Variants in NALCN observed in about 807,000 individuals in gnomAD.
The protein encoded by NALCN is sodium leak channel NALCN.
In NALCN, 111 loss-of-function variants were observed where a neutral mutation model predicts 225.3. The observed-to-expected ratio is 0.49, with a 90% confidence interval of 0.42 to 0.58. NALCN has a LOEUF of 0.58. Ranked by LOEUF, NALCN falls within the 20% of genes least tolerant of loss-of-function variation. The pLI is 0.00. For synonymous variants in NALCN, 764 were observed against 769.0 expected (o/e 0.99, Z 0.11); for missense variants, 1,378 against 2,202.4 (o/e 0.63, Z 7.49).
intron 18 of NALCN, chr13:101,116,719 C>T (rs2035735828): frequency 2.7e-6 from 1 of 368,086 alleles, no homozygotes; most frequent in Non-Finnish European, 5.3e-6. Context: ...TATAACTTTG[C>T]AGAGCATTAC....
chr13:101,081,690 G>C (rs774876861), intron 33 of NALCN, 44 bp from the exon 34 acceptor site: 5 of 1,601,108 alleles, frequency 3.1e-6, no homozygotes, highest in Non-Finnish European at 4.3e-6. Flanking sequence ...AGAGTGTTTA[G>C]TACATATTTA....
chr13:101,357,917 C>A (rs2046111555), intron 6 of NALCN, among the ~76,000 whole-genome samples: 1 of 152,088 alleles, frequency 6.6e-6, no homozygotes, highest in African/African-American at 2.4e-5. Flanking sequence ...ACAAACCTGA[C>A]AAAAACAAGC....
intron 9 of NALCN, among the ~76,000 whole-genome samples, chr13:101,286,255 CCT>C (rs1348071758): frequency 2.0e-5 from 3 of 152,122 alleles, no homozygotes; most frequent in African/African-American, 7.2e-5. Flanking sequence ...ATCTCTTTTC[CCT>C]GTTTTACAAA....
At chr13:101,171,338 T>C (rs533158782) in intron 15 of NALCN, among the ~76,000 whole-genome samples, 5 of 148,982 alleles carry the variant, frequency 3.4e-5, no homozygotes, top group African/African-American at 9.8e-5. Context: ...ATTACATATA[T>C]GTAATACAAA....
At chr13:101,216,951 T>C (rs1242401736) in intron 13 of NALCN, among the ~76,000 whole-genome samples, 1 of 152,150 alleles carries the variant, frequency 6.6e-6, no homozygotes, top group Non-Finnish European at 1.5e-5. Context: ...TTTAAGTACT[T>C]TGTGTTATAG....
intron 11 of NALCN, among the ~76,000 whole-genome samples, chr13:101,257,921 A>G (rs773499829): frequency 4.6e-5 from 7 of 152,200 alleles, no homozygotes; most frequent in Non-Finnish European, 8.8e-5. Context: ...TATGATATGT[A>G]GAGTGCTAGG....
In NALCN at chr13:101,258,478, A is replaced by C. The variant is rs200016490; in HGVS notation, c.1231T>G (p.Phe411Val). 1 of 1,614,148 alleles carries C rather than the reference A, an allele frequency of 6.2e-7. No homozygotes were observed. Among genetic ancestry groups the C allele is most frequent in the South Asian group, 1.1e-5 (1 of 91,072 alleles). ...AASNYYKGEN[F>V]RRQYDEFYLA... ...TAGAACTCGTCGTACTGCCTCCTGAAGTTTTCTCCTTTGTAGTAGTTGCTA... is the reference window on the plus strand; with the variant it reads ...TAGAACTCGTCGTACTGCCTCCTGACGTTTTCTCCTTTGTAGTAGTTGCTA... The change falls in exon 11 of 44, where the codon TTC becomes GTC. Residue 411 changes from phenylalanine to valine, a missense_variant. By Grantham distance (50) the Phe-to-Val change is conservative. Transcript: ENST00000251127.
At chr13:101,080,814 C>T (rs1036827) in intron 34 of NALCN, among the ~76,000 whole-genome samples, 110,444 of 149,948 alleles carry the variant, frequency 0.74, 41,262 homozygotes, top group African/African-American at 0.83. Flanking sequence ...TTTTCTAAAC[C>T]ACTACTTTTT....
At chr13:101,299,866 G>A (rs1013296703) in intron 7 of NALCN, among the ~76,000 whole-genome samples, 3 of 152,110 alleles carry the variant, frequency 2.0e-5, no homozygotes, top group Admixed American at 2.0e-4. Context: ...GGTCAGTAGT[G>A]AGATTGACTG....
At chr13:101,242,514 CT>C (rs1463086299) in intron 11 of NALCN, among the ~76,000 whole-genome samples, 1 of 105,508 alleles carries the variant, frequency 9.5e-6, no homozygotes, top group Non-Finnish European at 2.1e-5. Flanking sequence ...TCCCACTCTC[CT>C]TTGATATCAC....
At chr13:101,287,601 C>G (rs1411358668) in intron 9 of NALCN, among the ~76,000 whole-genome samples, 4 of 152,086 alleles carry the variant, frequency 2.6e-5, no homozygotes, top group Non-Finnish European at 5.9e-5. Context: ...GTGCAGATCT[C>G]AATATATGGG....
intron 17 of NALCN, among the ~76,000 whole-genome samples, chr13:101,135,011 G>A (rs2036704933): frequency 1.3e-5 from 2 of 152,100 alleles, no homozygotes; most frequent in Non-Finnish European, 2.9e-5. Context: ...TGGCTAACAC[G>A]GTGAAACCCT....
At chr13:101,102,282 C>CAA (rs113536153) in intron 26 of NALCN, among the ~76,000 whole-genome samples, 2,366 of 147,104 alleles carry the variant, frequency 0.016, 40 homozygotes, top group East Asian at 0.084. Flanking sequence ...GATTCTGTCT[C>CAA]AAAAAAAAAG....
At chr13:101,394,379 A>C (rs2047225459) in intron 3 of NALCN, among the ~76,000 whole-genome samples, 1 of 152,206 alleles carries the variant, frequency 6.6e-6, no homozygotes. Context: ...TTTCTCACCA[A>C]AATTAGCTAA....
chr13:101,408,205 A>C (rs2047677174), intron 1 of NALCN, among the ~76,000 whole-genome samples: 7 of 152,210 alleles, frequency 4.6e-5, no homozygotes, highest in Admixed American at 4.6e-4. Flanking sequence ...AGAGACGGGA[A>C]TCTCCAAGTT....
At chr13:101,187,130 T>C (rs1442871149) in intron 14 of NALCN, among the ~76,000 whole-genome samples, 1 of 152,190 alleles carries the variant, frequency 6.6e-6, no homozygotes, top group African/African-American at 2.4e-5. Context: ...TTAAGACATT[T>C]TGAAAAGGAG....
At chr13:101,358,519 G>A (rs946006325) in intron 6 of NALCN, among the ~76,000 whole-genome samples, 1 of 152,122 alleles carries the variant, frequency 6.6e-6, no homozygotes, top group South Asian at 2.1e-4. Context: ...CAGTCAGAAC[G>A]GCGATTATTA....
intron 15 of NALCN, among the ~76,000 whole-genome samples, chr13:101,156,163 TTCTA>T (rs145499345): frequency 0.12 from 18,875 of 151,764 alleles, 1,592 homozygotes; most frequent in East Asian, 0.45. Flanking sequence ...TCAGACATAC[TTCTA>T]TCTATTTTGT....
intron 3 of NALCN, among the ~76,000 whole-genome samples, chr13:101,388,595 T>C (rs908389371): frequency 2.0e-5 from 3 of 152,212 alleles, no homozygotes; most frequent in Admixed American, 1.3e-4. Context: ...TTAAAACTTG[T>C]GTTCTCTCAC....
Sources: gnomAD v4.1 joint callset for allele counts (sites outside exome capture counted in the v4.1 genomes callset) on GRCh38, gnomAD v4.1.1 for gene constraint, MANE v1.5 for transcripts, NCBI Gene and HGNC (gene_info 2026-07-23, HGNC 2026-07-21) for gene names.